Variants in AKAP7 observed in about 807,000 individuals in gnomAD.
AKAP7 encodes A-kinase anchoring protein 7, also known as A kinase (PRKA) anchor protein 7.
A neutral mutation model predicts 39.5 loss-of-function variants in AKAP7; 39 were observed. The observed-to-expected ratio is 0.99, with a 90% CI of 0.76 to 1.29. The LOEUF (loss-of-function observed/expected upper bound fraction) is 1.29, where lower values mean the gene tolerates loss of function less well. Among genes scored for constraint, AKAP7 ranks in the 50% most tolerant of loss-of-function variants. AKAP7 has a pLI of 0.00. For synonymous variants in AKAP7, 140 were observed against 139.1 expected (o/e 1.01, Z -0.05); for missense variants, 414 against 407.7 (o/e 1.02, Z -0.13).
intron 5 of AKAP7, among the ~76,000 whole-genome samples, chr6:131,174,224 A>G (rs547392241): frequency 1.4e-4 from 21 of 152,314 alleles, no homozygotes; most frequent in African/African-American, 5.1e-4. Flanking sequence ...TATAATTTTT[A>G]TGCACTTTTA....
intron 6 of AKAP7, among the ~76,000 whole-genome samples, chr6:131,215,645 C>T (rs1040734870): frequency 2.0e-5 from 3 of 152,156 alleles, no homozygotes; most frequent in African/African-American, 7.2e-5. Flanking sequence ...TTAAGATTTG[C>T]CAGGGATAAG....
chr6:131,182,939 C>T (rs890833890), intron 5 of AKAP7, among the ~76,000 whole-genome samples: 4 of 151,576 alleles, frequency 2.6e-5, no homozygotes, highest in East Asian at 3.9e-4. Flanking sequence ...ATTTTATATT[C>T]GCTTTACATA....
rs1800680551 is a variant in AKAP7 at position 131,137,661 on chromosome 6, T to A, written c.19+1879T>A. On this transcript the variant is annotated intron_variant, in intron 1 of 7. Transcript: ENST00000431975. ...CCTCCCAAAGTGCTGGGATTACAGG[T>A]GTGAGCCACCTCACCCGGCCCACCC... The A allele has an allele frequency of 2.0e-5, 3 of 152,200 alleles. No individual in the cohort carries two copies. The South Asian group carries it at 6.2e-4, about 32-fold the overall frequency. The allele number at this position is 152,200 out of a possible 1,614,324, so 9.4% of individuals were successfully genotyped here.
At chr6:131,262,596 C>A (rs1813438860) in intron 7 of AKAP7, among the ~76,000 whole-genome samples, 1 of 151,690 alleles carries the variant, frequency 6.6e-6, no homozygotes, top group Non-Finnish European at 1.5e-5. Context: ...ATGACCACTT[C>A]AAAAGAAATA....
Position 131,196,695 on chromosome 6 carries a change from A to G in AKAP7, c.590-2766A>G, listed in dbSNP as rs78544962. Among the ~76,000 whole-genome samples the G allele has an allele frequency of 0.014, 2,166 of 152,270 alleles. 143 individuals are homozygous for G. The East Asian group carries it at 0.18, about 12-fold the overall frequency. On this transcript the variant is annotated intron_variant, in intron 5 of 7. Transcript: ENST00000431975. ...TTGTCTTTAGAATTGGCTTAATAGT[A>G]TTAGCCCTACCTGTTTTTGGATAAA... is the stretch of plus-strand genomic sequence containing the variant.
chr6:131,247,803 A>T (rs1452194484), intron 7 of AKAP7, among the ~76,000 whole-genome samples: 1 of 151,526 alleles, frequency 6.6e-6, no homozygotes, highest in African/African-American at 2.4e-5. Flanking sequence ...AATTTTTAAA[A>T]TTTTTTTGTA....
chr6:131,184,900 G>A, intron 5 of AKAP7: 1 of 1,059,346 alleles, frequency 9.4e-7, no homozygotes, highest in Non-Finnish European at 1.5e-6. Context: ...CAGGTTGGAA[G>A]CATCCAGCTC....
At chr6:131,244,977 T>C (rs1811882079) in intron 7 of AKAP7, among the ~76,000 whole-genome samples, 2 of 152,222 alleles carry the variant, frequency 1.3e-5, no homozygotes, top group African/African-American at 2.4e-5. Context: ...GTTGAAAATA[T>C]GACTAAAGTA....
At chr6:131,174,898 A>T (rs1804425649) in intron 5 of AKAP7, among the ~76,000 whole-genome samples, 1 of 145,752 alleles carries the variant, frequency 6.9e-6, no homozygotes, top group East Asian at 1.9e-4. Flanking sequence ...CAATGTGGGG[A>T]TTGGTGCCCA....
intron 5 of AKAP7, among the ~76,000 whole-genome samples, chr6:131,189,233 C>T (rs1585047485): frequency 1.3e-5 from 2 of 152,240 alleles, no homozygotes; most frequent in African/African-American, 4.8e-5. Flanking sequence ...ACAGTTTCTA[C>T]TGAACACATG....
chr6:131,235,870 A>T (rs1370392809), intron 7 of AKAP7, among the ~76,000 whole-genome samples: 5 of 152,104 alleles, frequency 3.3e-5, no homozygotes, highest in Admixed American at 3.3e-4. Flanking sequence ...GCCTGTTCAC[A>T]CTGATGGTAG....
chr6:131,249,883 TA>T (rs1309889734), intron 7 of AKAP7, among the ~76,000 whole-genome samples: 1 of 152,158 alleles, frequency 6.6e-6, no homozygotes, highest in African/African-American at 2.4e-5. Flanking sequence ...ACTAGGGGAA[TA>T]AGGCAATATA....
chr6:131,255,282 C>T (rs536607119), intron 7 of AKAP7, among the ~76,000 whole-genome samples: 6 of 152,178 alleles, frequency 3.9e-5, no homozygotes, highest in East Asian at 1.9e-4. Context: ...AAATGTTTGT[C>T]GATGAAGGGA....
At chr6:131,241,611 G>GTATA (rs1162098710) in intron 7 of AKAP7, among the ~76,000 whole-genome samples, 7 of 99,634 alleles carry the variant, frequency 7.0e-5, no homozygotes, top group African/African-American at 2.5e-4. Context: ...GTGTGTGTGT[G>GTATA]TGTGTGTGTG....
At chr6:131,271,593 A>C (rs1007448595) in intron 7 of AKAP7, among the ~76,000 whole-genome samples, 1 of 152,142 alleles carries the variant, frequency 6.6e-6, no homozygotes, top group Non-Finnish European at 1.5e-5. Context: ...TGTGTTGCCC[A>C]GGCTGGAGTG....
intron 5 of AKAP7, among the ~76,000 whole-genome samples, chr6:131,196,255 G>A (rs971197308): frequency 5.5e-5 from 8 of 145,968 alleles, no homozygotes; most frequent in African/African-American, 1.8e-4. Flanking sequence ...GCATTCTTCA[G>A]CATGTCAGTT....
upstream of AKAP7, among the ~76,000 whole-genome samples, chr6:131,133,026 A>C (rs1484754179): frequency 6.6e-6 from 1 of 152,196 alleles, no homozygotes; most frequent in Non-Finnish European, 1.5e-5. Flanking sequence ...TCTTTGCATC[A>C]ATCAGTTATC....
intron 6 of AKAP7, among the ~76,000 whole-genome samples, chr6:131,216,977 A>T (rs1809243214): frequency 6.6e-6 from 1 of 152,176 alleles, no homozygotes; most frequent in South Asian, 2.1e-4. Context: ...GCCTTTATAG[A>T]TCAAATTTAA....
chr6:131,175,988 C>T (rs1490647432), intron 5 of AKAP7, among the ~76,000 whole-genome samples: 1 of 152,188 alleles, frequency 6.6e-6, no homozygotes, highest in Non-Finnish European at 1.5e-5. Context: ...CATAAAACTT[C>T]TATTAAATAA....
Sources: gnomAD v4.1 joint callset for allele counts (sites outside exome capture counted in the v4.1 genomes callset) on GRCh38, gnomAD v4.1.1 for gene constraint, MANE v1.5 for transcripts, NCBI Gene and HGNC (gene_info 2026-07-23, HGNC 2026-07-21) for gene names.